RERE: variants seen among roughly 807,000 people sequenced by gnomAD.
The protein encoded by RERE is arginine-glutamic acid dipeptide repeats protein.
Under a neutral mutation model 146.1 loss-of-function variants are expected in RERE, and 40 were observed. The ratio of observed to expected loss-of-function variants is 0.27; its 90% CI spans 0.21 to 0.36. RERE has a LOEUF of 0.36. Ranked by LOEUF, RERE falls within the 10% of genes least tolerant of loss-of-function variation. The pLI, the probability that RERE is intolerant of heterozygous loss-of-function variation, is 1.00. For missense variants in RERE, 1,933 were observed against 2,138.7 expected (o/e 0.90, Z 1.90); for synonymous variants, 1,003 against 866.0 (o/e 1.16, Z -2.78).
At chr1:8,718,742 C>T (rs1639807546) in intron 1 of RERE, among the ~76,000 whole-genome samples, 1 of 152,182 alleles carries the variant, frequency 6.6e-6, no homozygotes, top group South Asian at 2.1e-4. Flanking sequence ...CAGGGTTCTC[C>T]TAATCTAAGA....
chr1:8,607,370 A>G (rs544222741), intron 4 of RERE, among the ~76,000 whole-genome samples: 1 of 151,312 alleles, frequency 6.6e-6, no homozygotes, highest in South Asian at 2.1e-4. Context: ...TCCAAAAAAA[A>G]AAAAAAAAGA....
At chr1:8,373,607 C>G (rs1037463367) in intron 12 of RERE, among the ~76,000 whole-genome samples, 7 of 152,168 alleles carry the variant, frequency 4.6e-5, no homozygotes, top group African/African-American at 1.4e-4. Context: ...AGAGCTGTGG[C>G]CCTGAGAGCC....
chr1:8,693,868 AT>A (rs1639263137), intron 1 of RERE, among the ~76,000 whole-genome samples: 2 of 152,136 alleles, frequency 1.3e-5, no homozygotes, highest in Admixed American at 6.6e-5. Flanking sequence ...TTTCTACTCA[AT>A]TTATCTGCAA....
intron 11 of RERE, among the ~76,000 whole-genome samples, chr1:8,452,826 T>C (rs1570264109): frequency 6.6e-6 from 1 of 152,202 alleles, no homozygotes; most frequent in East Asian, 1.9e-4. Context: ...TGTTTGCTCT[T>C]CACCTTCAAG....
intron 7 of RERE, among the ~76,000 whole-genome samples, chr1:8,534,194 T>TAG (rs2124376046): frequency 6.6e-6 from 1 of 152,352 alleles, no homozygotes; most frequent in African/African-American, 2.4e-5. Flanking sequence ...ACAGGTGTTT[T>TAG]AGATTGTTAA....
At chr1:8,773,915 A>G (rs1037911637) in intron 1 of RERE, among the ~76,000 whole-genome samples, 3 of 152,220 alleles carry the variant, frequency 2.0e-5, no homozygotes, top group Non-Finnish European at 2.9e-5. Flanking sequence ...AAATGTCACA[A>G]AAGAACTGCC....
intron 4 of RERE, among the ~76,000 whole-genome samples, chr1:8,579,143 C>T (rs1398223611): frequency 6.6e-6 from 1 of 152,226 alleles, no homozygotes; most frequent in Non-Finnish European, 1.5e-5. Flanking sequence ...CGCAGAACCA[C>T]CACGATTAGC....
At chr1:8,545,919 G>A (rs565789924) in intron 6 of RERE, among the ~76,000 whole-genome samples, 2 of 146,986 alleles carry the variant, frequency 1.4e-5, no homozygotes, top group African/African-American at 2.5e-5. Flanking sequence ...TCCTGACCTC[G>A]TGATCTGCCT....
intron 1 of RERE, among the ~76,000 whole-genome samples, chr1:8,776,212 C>T (rs1015474124): frequency 5.9e-5 from 9 of 152,170 alleles, no homozygotes; most frequent in African/African-American, 2.2e-4. Context: ...ATTTCCTAAA[C>T]TTTACATTTC....
intron 12 of RERE, among the ~76,000 whole-genome samples, chr1:8,408,122 A>G (rs192360529): frequency 1.3e-5 from 2 of 152,122 alleles, no homozygotes; most frequent in Non-Finnish European, 1.5e-5. Flanking sequence ...TCTGCCACAA[A>G]AGCCTGGCCA....
chr1:8,564,832 ATGTGTGTGTGTGTGTG>A (rs567556868), intron 4 of RERE, among the ~76,000 whole-genome samples: 8 of 139,016 alleles, frequency 5.8e-5, no homozygotes, highest in Non-Finnish European at 7.7e-5. Flanking sequence ...GTATATGTGT[ATGTGTGTGTGTGTGTG>A]TGTGTGTGTG....
intron 11 of RERE, 155 bp downstream of exon 11, chr1:8,465,770 G>C (rs1381914960): frequency 1.4e-6 from 1 of 699,784 alleles, no homozygotes; most frequent in East Asian, 2.7e-5. Flanking sequence ...ACAATTAAGG[G>C]GCTGAAGGGC....
At chr1:8,748,439 C>T (rs1400831504) in intron 1 of RERE, among the ~76,000 whole-genome samples, 2 of 152,142 alleles carry the variant, frequency 1.3e-5, no homozygotes, top group African/African-American at 4.8e-5. Flanking sequence ...TCACAGGTTA[C>T]GTTGCTGTAT....
chr1:8,565,707 G>T (rs1460653844), intron 4 of RERE, among the ~76,000 whole-genome samples: 1 of 152,104 alleles, frequency 6.6e-6, no homozygotes, highest in Non-Finnish European at 1.5e-5. Context: ...GCGCAACTCT[G>T]TCTCAAAACC....
At chr1:8,710,411 T>C (rs1350293947) in intron 1 of RERE, among the ~76,000 whole-genome samples, 2 of 152,250 alleles carry the variant, frequency 1.3e-5, no homozygotes, top group Non-Finnish European at 2.9e-5. Flanking sequence ...AAACTCTGAA[T>C]AGCACACTTT....
In RERE at chr1:8,716,299, CAAA is replaced by C. The variant is rs34590852; in HGVS notation, c.-144-59861_-144-59859del. Among the ~76,000 whole-genome samples, 684 of 109,572 alleles carry C rather than the reference CAAA, an allele frequency of 6.2e-3. 4 individuals are homozygous for C. Among genetic ancestry groups the C allele is most frequent in the South Asian group, 0.012 (39 of 3,358 alleles). 71.9% of individuals were successfully genotyped at this position (109,572 alleles called of 152,430 possible). A position where few individuals can be genotyped will look rare whatever the true frequency, so the allele number is the denominator to read the frequency against. On this transcript the variant is annotated intron_variant, in intron 1 of 22. Transcript: ENST00000400908. ...GCAACACTGCAAGATCTCATCTCTACAAAAAAAAAAAAAAAAAAATTAAAAAAT... is the reference window on the plus strand; with the variant it reads ...GCAACACTGCAAGATCTCATCTCTACAAAAAAAAAAAAAAAATTAAAAAAT...
intron 6 of RERE, among the ~76,000 whole-genome samples, chr1:8,553,325 T>G (rs568702070): frequency 1.4e-5 from 2 of 146,288 alleles, no homozygotes; most frequent in East Asian, 4.1e-4. Context: ...CACACACTCA[T>G]GCAAAATTGC....
intron 1 of RERE, among the ~76,000 whole-genome samples, chr1:8,774,534 G>A (rs1641021815): frequency 6.6e-6 from 1 of 151,442 alleles, no homozygotes; most frequent in Admixed American, 6.6e-5. Context: ...TGTATTTTTA[G>A]TAGAGGCAGG....
At chr1:8,372,133 G>T (rs1178745990) in intron 12 of RERE, among the ~76,000 whole-genome samples, 1 of 152,156 alleles carries the variant, frequency 6.6e-6, no homozygotes, top group Non-Finnish European at 1.5e-5. Context: ...AGAGATTGTT[G>T]AAGAAGAAGG....
Sources: gnomAD v4.1 joint callset for allele counts (sites outside exome capture counted in the v4.1 genomes callset) on GRCh38, gnomAD v4.1.1 for gene constraint, MANE v1.5 for transcripts, NCBI Gene and HGNC (gene_info 2026-07-23, HGNC 2026-07-21) for gene names.